The following STXBP5L variants were observed in gnomAD, a reference collection of about 807,000 sequenced individuals.
STXBP5L encodes the protein syntaxin-binding protein 5-like.
Under a neutral mutation model 144.5 loss-of-function variants are expected in STXBP5L, and 65 were observed. The ratio of observed to expected loss-of-function variants is 0.45; its 90% CI spans 0.37 to 0.55. The LOEUF is 0.55. STXBP5L is among the 20% of genes least tolerant of loss of function. The probability of loss-of-function intolerance (pLI) is 0.00; values close to 1 mark genes in which losing one functional copy is unlikely to be tolerated. For synonymous variants in STXBP5L, 505 were observed against 469.6 expected, an observed-to-expected ratio of 1.08 and a Z score of -0.97; for missense variants, 1,298 against 1,405.5, an observed-to-expected ratio of 0.92 and a Z score of 1.22.
intron 7 of STXBP5L, among the ~76,000 whole-genome samples, chr3:121,148,874 C>T (rs1367648354): frequency 1.3e-5 from 2 of 151,902 alleles, no homozygotes; most frequent in Non-Finnish European, 2.9e-5. Flanking sequence ...TGTGGTAGTG[C>T]CATAGCCAAA....
intron 9 of STXBP5L, among the ~76,000 whole-genome samples, chr3:121,183,655 AAG>A (rs1247943607): frequency 1.3e-5 from 2 of 151,710 alleles, no homozygotes; most frequent in Non-Finnish European, 2.9e-5. Context: ...AGAAAAAAGA[AAG>A]AAAGAAGGAA....
In STXBP5L at chr3:121,056,555, C is replaced by A. The variant is rs571905252; in HGVS notation, c.470+11020C>A. The stretch of plus-strand genomic sequence containing the variant: ...TGGCTTTTGCAGACCCAATTTATAA[C>A]CCACATTTAAAATATTTTATAAAGG... On this transcript the variant is annotated intron_variant, in intron 5 of 26. Transcript: ENST00000471454. 2.0e-5 allele frequency among the ~76,000 whole-genome samples: 3 copies of A among 152,238 alleles called. No homozygotes were observed. In the East Asian group the frequency reaches 5.8e-4, roughly 29 times the overall value.
chr3:121,025,987 T>A (rs1199708442), intron 3 of STXBP5L, among the ~76,000 whole-genome samples: 1 of 146,364 alleles, frequency 6.8e-6, no homozygotes, highest in Non-Finnish European at 1.5e-5. Context: ...AATAATATAT[T>A]AGTATTATCA....
chr3:121,206,595 A>G (rs561396872), intron 10 of STXBP5L, among the ~76,000 whole-genome samples: 15 of 152,268 alleles, frequency 9.9e-5, no homozygotes, highest in African/African-American at 2.9e-4. Context: ...GGATCACCTG[A>G]GGTCAGGAGA....
At chr3:121,300,100 A>C (rs1166303631) in intron 19 of STXBP5L, among the ~76,000 whole-genome samples, 1 of 152,152 alleles carries the variant, frequency 6.6e-6, no homozygotes, top group African/African-American at 2.4e-5. Flanking sequence ...ATACAAATAC[A>C]AGGGAAAAAT....
chr3:120,977,499 A>G (rs193032412), intron 3 of STXBP5L, among the ~76,000 whole-genome samples: 77 of 152,244 alleles, frequency 5.1e-4, no homozygotes, highest in Non-Finnish European at 6.2e-4. Context: ...TGTTTATCCA[A>G]TTTGGCAGTC....
chr3:121,057,295 A>G (rs1209583538), intron 5 of STXBP5L, among the ~76,000 whole-genome samples: 1 of 152,034 alleles, frequency 6.6e-6, no homozygotes, highest in Non-Finnish European at 1.5e-5. Context: ...TTTTCCCTCT[A>G]TAGTATATTC....
Position 121,412,859 on chromosome 3 carries a change from C to A in STXBP5L, c.2949-299C>A, listed in dbSNP as rs567968280. On this transcript the variant is annotated intron_variant, in intron 23 of 26. Transcript: ENST00000471454. ...CTCAAGCCTGGCCAACATGGCAAAACCCTGTCTCTACTAAAAATACAAAAA... is the reference window on the plus strand; with the variant it reads ...CTCAAGCCTGGCCAACATGGCAAAAACCTGTCTCTACTAAAAATACAAAAA... Among the ~76,000 whole-genome samples, 4 of 150,796 alleles carry A rather than the reference C, an allele frequency of 2.7e-5. No homozygotes were observed. In the East Asian group the frequency reaches 7.8e-4, roughly 30 times the overall value.
chr3:121,053,960 CA>C (rs1948239429), intron 5 of STXBP5L, among the ~76,000 whole-genome samples: 1 of 152,100 alleles, frequency 6.6e-6, no homozygotes, highest in South Asian at 2.1e-4. Context: ...CAAAAGAAGA[CA>C]TTTATGCAGC....
chr3:120,976,719 T>A (rs1207903193), intron 3 of STXBP5L, among the ~76,000 whole-genome samples: 1 of 152,230 alleles, frequency 6.6e-6, no homozygotes, highest in Non-Finnish European at 1.5e-5. Flanking sequence ...GCTTTGAATG[T>A]GTCCCAGTGT....
In STXBP5L at chr3:121,160,999, C is replaced by CT. The variant is rs2046304863; in HGVS notation, c.877+3375dup. ...GATCTATTTCTCTTCCCCTACTGTC[C>CT]TTTACGCTATGGTTATCATATAGTA... On this transcript the variant is annotated intron_variant, in intron 9 of 26. Coordinates refer to ENST00000471454, the MANE Select transcript of STXBP5L (RefSeq NM_001308330.2). 2.0e-5 allele frequency among the ~76,000 whole-genome samples: 3 copies of CT among 151,942 alleles called. No individual in the cohort carries two copies. The South Asian group carries it at 6.2e-4, about 32-fold the overall frequency.
chr3:121,122,844 CT>C (rs1436933607), intron 7 of STXBP5L, among the ~76,000 whole-genome samples: 1 of 151,380 alleles, frequency 6.6e-6, no homozygotes, highest in Non-Finnish European at 1.5e-5. Flanking sequence ...TAACAAGAAT[CT>C]CATAATAAGA....
intron 5 of STXBP5L, among the ~76,000 whole-genome samples, chr3:121,062,705 C>T (rs932799654): frequency 2.0e-5 from 3 of 152,076 alleles, no homozygotes; most frequent in Non-Finnish European, 4.4e-5. Flanking sequence ...TTTGTTCATT[C>T]CTTTTCATTC....
At chr3:121,210,254 A>G (rs1340035381) in intron 10 of STXBP5L, among the ~76,000 whole-genome samples, 6 of 151,898 alleles carry the variant, frequency 4.0e-5, no homozygotes, top group African/African-American at 1.5e-4. Context: ...GTCTGTTCAT[A>G]CCCTTTGCCC....
chr3:121,233,659 T>G lies in STXBP5L; in HGVS notation c.1155T>G (p.Asp385Glu), dbSNP rs1367940457. The change falls in exon 12 of 27, where the codon GAT becomes GAG. Residue 385 changes from aspartate (D) to glutamate (E), a missense_variant. Coordinates refer to ENST00000471454, the MANE Select transcript of STXBP5L (RefSeq NM_001308330.2). ...CTGTCGTGGTACTTCTGGAGAAAGA[T>G]CTCATTGTAGTTGATCTGACACAAA... ...PYAVVVLLEK[D>E]LIVVDLTQSN... 6.2e-7 allele frequency: 1 copy of G among 1,612,660 alleles called. No homozygotes were observed. Among genetic ancestry groups the G allele is most frequent in the Non-Finnish European group, 8.5e-7 (1 of 1,179,262 alleles).
intron 7 of STXBP5L, among the ~76,000 whole-genome samples, chr3:121,145,661 AAAT>A (rs2045687238): frequency 6.6e-6 from 1 of 152,060 alleles, no homozygotes; most frequent in Non-Finnish European, 1.5e-5. Context: ...TATTTTATAA[AAAT>A]AATAATGACT....
At chr3:121,020,481 T>G (rs1384929251) in intron 3 of STXBP5L, among the ~76,000 whole-genome samples, 1 of 152,088 alleles carries the variant, frequency 6.6e-6, no homozygotes, top group East Asian at 1.9e-4. Flanking sequence ...AAAATCATGA[T>G]GAAGGAAATA....
Position 120,955,014 on chromosome 3 carries a change from G to A in STXBP5L, c.264G>A (p.Gly88=). ...FDPVQKILAI[G]TRTGAIRILG... is the part of the protein sequence containing the mutation. Reference sequence around the variant, plus strand: ...CAGTTCAGAAAATCTTGGCTATTGGGACGAGAACAGGTGCTATACGAATGT... The same window carrying A: ...CAGTTCAGAAAATCTTGGCTATTGGAACGAGAACAGGTGCTATACGAATGT... Residue 88 remains glycine, a synonymous_variant, in exon 3 of 27, where the codon GGG becomes GGA. Coordinates refer to ENST00000471454, the MANE Select transcript of STXBP5L (RefSeq NM_001308330.2). 6.2e-7 allele frequency: 1 copy of A among 1,612,460 alleles called. No individual in the cohort carries two copies. Among genetic ancestry groups the A allele is most frequent in the Non-Finnish European group, 8.5e-7 (1 of 1,179,074 alleles).
chr3:121,316,032 T>C (rs970143014), intron 19 of STXBP5L, among the ~76,000 whole-genome samples: 9 of 151,600 alleles, frequency 5.9e-5, no homozygotes, highest in African/African-American at 1.7e-4. Flanking sequence ...AAAGCCAAAA[T>C]TATGATGAAA....
Sources: gnomAD v4.1 joint callset for allele counts (sites outside exome capture counted in the v4.1 genomes callset) on GRCh38, gnomAD v4.1.1 for gene constraint, MANE v1.5 for transcripts, NCBI Gene and HGNC (gene_info 2026-07-23, HGNC 2026-07-21) for gene names.